Variants in GRIK1 observed in about 807,000 individuals in gnomAD.
GRIK1 encodes the protein glutamate receptor ionotropic, kainate 1.
In GRIK1, 69 loss-of-function variants were observed where a neutral mutation model predicts 105.7. That is an observed-to-expected ratio of 0.65 (90% confidence interval 0.54 to 0.80). GRIK1 has a LOEUF of 0.80. Ranked by LOEUF, GRIK1 falls within the 30% of genes least tolerant of loss-of-function variation. The probability of loss-of-function intolerance (pLI) is 0.00; values close to 1 mark genes in which losing one functional copy is unlikely to be tolerated. For missense variants in GRIK1, 1,109 were observed against 1,167.3 expected, an observed-to-expected ratio of 0.95 and a Z score of 0.73; for synonymous variants, 438 against 431.3, an observed-to-expected ratio of 1.02 and a Z score of -0.19.
intron 14 of GRIK1, among the ~76,000 whole-genome samples, chr21:29,563,266 G>A (rs1335292851): frequency 5.9e-5 from 9 of 152,132 alleles, no homozygotes. Flanking sequence ...GGTTATTCAT[G>A]CCCAGGTGTT....
At position 29,689,766 on chromosome 21, in the gene GRIK1, T is replaced by C. The variant is rs1363912839; in HGVS notation, c.506A>G (p.Asn169Ser). 4 of 1,613,720 alleles carry C rather than the reference T, an allele frequency of 2.5e-6. No individual in the cohort carries two copies. In the South Asian group the frequency reaches 3.3e-5, roughly 13 times the overall value. Residue 169 changes from asparagine (N) to serine (S), a missense_variant, in exon 3 of 18, where the codon AAC becomes AGC. Asn to Ser is a conservative substitution (Grantham distance 46, BLOSUM62 1). This residue lies in a region of GRIK1 where 612 missense variants were observed against 586.0 expected (regional missense o/e 1.04). Coordinates refer to ENST00000327783, the MANE Select transcript of GRIK1 (RefSeq NM_001330994.2). ...RAILDLVLYY[N>S]WKTVTVVYED... ...ATACACCACTGTCACTGTTTTCCAG[T>C]TGTAATAGAGGACCAGATCCAGGAT...
intron 1 of GRIK1, among the ~76,000 whole-genome samples, chr21:29,713,471 T>C (rs2064105388): frequency 6.6e-6 from 1 of 152,202 alleles, no homozygotes; most frequent in African/African-American, 2.4e-5. Flanking sequence ...TTTCCACAGA[T>C]TTAAAAATAT....
chr21:29,746,438 A>C (rs528542640), intron 1 of GRIK1, among the ~76,000 whole-genome samples: 1 of 152,380 alleles, frequency 6.6e-6, no homozygotes, highest in African/African-American at 2.4e-5. Flanking sequence ...CACAATTTGA[A>C]CAAAGAACTG....
intron 9 of GRIK1, among the ~76,000 whole-genome samples, chr21:29,594,267 T>C (rs914117540): frequency 4.6e-5 from 7 of 152,156 alleles, no homozygotes; most frequent in Non-Finnish European, 1.5e-5. Flanking sequence ...GCTTTATCTG[T>C]TACTTGAAGT....
At chr21:29,678,156 A>T (rs1213510575) in intron 3 of GRIK1, among the ~76,000 whole-genome samples, 3 of 152,240 alleles carry the variant, frequency 2.0e-5, no homozygotes, top group Non-Finnish European at 4.4e-5. Context: ...ACTTGGAAAT[A>T]TGCAAAATGG....
intron 1 of GRIK1, among the ~76,000 whole-genome samples, chr21:29,876,787 T>C (rs1322072185): frequency 1.3e-5 from 2 of 152,196 alleles, no homozygotes; most frequent in Non-Finnish European, 2.9e-5. Flanking sequence ...TTTTACCACA[T>C]ACATAAACTG....
Position 29,743,704 on chromosome 21 carries a change from T to A in GRIK1, c.119-49641A>T, listed in dbSNP as rs150959043. ...AGTGAGACTCCATCTCAGAAAAAAA[T>A]ATATATATAAAAGAAATAATATTTT... is the stretch of plus-strand genomic sequence containing the variant. On this transcript the variant is annotated intron_variant, in intron 1 of 17. Coordinates refer to ENST00000327783, the MANE Select transcript of GRIK1 (RefSeq NM_001330994.2). 5.0e-3 allele frequency among the ~76,000 whole-genome samples: 759 copies of A among 151,950 alleles called. 7 individuals are homozygous for A. Among genetic ancestry groups the A allele is most frequent in the African/African-American group, 0.016 (665 of 41,458 alleles).
At chr21:29,938,465 C>T (rs1420584947) in intron 1 of GRIK1, among the ~76,000 whole-genome samples, 1 of 152,226 alleles carries the variant, frequency 6.6e-6, no homozygotes, top group African/African-American at 2.4e-5. Context: ...TGTGTCAACC[C>T]TCAAAGTTCA....
intron 3 of GRIK1, among the ~76,000 whole-genome samples, chr21:29,684,386 CATCT>C (rs911726010): frequency 5.3e-5 from 8 of 152,154 alleles, no homozygotes; most frequent in African/African-American, 1.9e-4. Flanking sequence ...ATCTACCTAT[CATCT>C]ATCTAATCTA....
intron 1 of GRIK1, among the ~76,000 whole-genome samples, chr21:29,694,860 A>G (rs537427414): frequency 3.6e-4 from 55 of 152,362 alleles, no homozygotes; most frequent in African/African-American, 1.3e-3. Flanking sequence ...AGATTTTTCA[A>G]GATAAAAATG....
intron 4 of GRIK1, among the ~76,000 whole-genome samples, chr21:29,667,139 G>A (rs953088730): frequency 1.3e-5 from 2 of 152,142 alleles, no homozygotes; most frequent in Non-Finnish European, 1.5e-5. Flanking sequence ...CTGACTTAGT[G>A]GGCACATGTT....
intron 1 of GRIK1, among the ~76,000 whole-genome samples, chr21:29,866,062 T>G (rs559512889): frequency 6.6e-6 from 1 of 151,504 alleles, no homozygotes; most frequent in South Asian, 2.1e-4. Context: ...ACCAAAAGAG[T>G]TTTTACTTTT....
In GRIK1 at chr21:29,642,938, T is replaced by C. The variant is rs778209304; in HGVS notation, c.986A>G (p.Tyr329Cys). Residue 329 changes from tyrosine to cysteine, a missense_variant, in exon 7 of 18, where the codon TAC becomes TGC. Physicochemically the swap from Tyr to Cys is radical, Grantham distance 194 (BLOSUM62 -2). This residue lies in a region of GRIK1 where 612 missense variants were observed against 586.0 expected (regional missense o/e 1.04). Coordinates refer to ENST00000327783, the MANE Select transcript of GRIK1 (RefSeq NM_001330994.2). ...CCGGTGCGAGGCAATGGCCACCATG[T>C]ACACAGCATCGTACATCAGAGCCGC... The part of the protein sequence containing the change: ...TEAALMYDAV[Y>C]MVAIASHRAS... 8.1e-6 allele frequency: 13 copies of C among 1,614,018 alleles called. No homozygotes were observed. In the East Asian group the frequency reaches 2.7e-4, roughly 33 times the overall value.
intron 12 of GRIK1, among the ~76,000 whole-genome samples, chr21:29,584,100 T>G (rs770446993): frequency 1.1e-4 from 16 of 152,194 alleles, no homozygotes; most frequent in Non-Finnish European, 2.2e-4. Flanking sequence ...TGTTTGTTTC[T>G]GCCTGGCTTA....
At chr21:29,701,339 C>T (rs984751684) in intron 1 of GRIK1, among the ~76,000 whole-genome samples, 6 of 152,000 alleles carry the variant, frequency 3.9e-5, no homozygotes, top group Non-Finnish European at 7.4e-5. Flanking sequence ...TGAGCAAAAG[C>T]CTAAAGATAA....
chr21:29,647,469 G>A (rs539229710), intron 6 of GRIK1, among the ~76,000 whole-genome samples: 211 of 152,270 alleles, frequency 1.4e-3, no homozygotes, highest in African/African-American at 4.7e-3. Context: ...ACTCTATGAC[G>A]TCTTCCCTGT....
At chr21:29,859,394 T>TA (rs1197069733) in intron 1 of GRIK1, among the ~76,000 whole-genome samples, 123 of 133,788 alleles carry the variant, frequency 9.2e-4, no homozygotes, top group Non-Finnish European at 1.6e-3. Flanking sequence ...TAAAATGAAA[T>TA]AAAAAAACAA....
intron 1 of GRIK1, among the ~76,000 whole-genome samples, chr21:29,886,600 T>G (rs1033254253): frequency 1.3e-5 from 2 of 152,176 alleles, no homozygotes; most frequent in East Asian, 1.9e-4. Flanking sequence ...AAAAAGTATC[T>G]TGTTGTGTGT....
chr21:29,669,164 A>G (rs2063117822), intron 4 of GRIK1, among the ~76,000 whole-genome samples: 1 of 152,376 alleles, frequency 6.6e-6, no homozygotes, highest in East Asian at 1.9e-4. Flanking sequence ...ATGAATAGAA[A>G]TAATTACTTT....
Sources: gnomAD v4.1 joint callset for allele counts (sites outside exome capture counted in the v4.1 genomes callset) on GRCh38, gnomAD v4.1.1 for gene constraint, gnomAD v4.1.1 regional missense constraint, MANE v1.5 for transcripts, NCBI Gene and HGNC (gene_info 2026-07-23, HGNC 2026-07-21) for gene names.